PDE10A: variants seen among roughly 807,000 people sequenced by gnomAD.
PDE10A encodes cAMP and cAMP-inhibited cGMP 3',5'-cyclic phosphodiesterase 10A.
PDE10A carries 39 observed loss-of-function variants against 97.7 expected under a neutral mutation model. The observed-to-expected ratio is 0.40, with a 90% CI of 0.31 to 0.52. The LOEUF is 0.52. Among genes scored for constraint, PDE10A ranks in the 20% least tolerant of loss-of-function variants. PDE10A has a pLI of 0.56. For synonymous variants in PDE10A, 371 were observed against 376.8 expected (o/e 0.98, Z 0.18); for missense variants, 731 against 1,047.8 (o/e 0.70, Z 4.17).
intron 3 of PDE10A, among the ~76,000 whole-genome samples, chr6:165,480,436 A>T (rs1373245322): frequency 6.6e-6 from 1 of 152,070 alleles, no homozygotes; most frequent in Non-Finnish European, 1.5e-5. Context: ...TAAAAAAAAA[A>T]TTAGCTGGGC....
At chr6:165,946,974 T>C (rs1343068792) in intron 1 of PDE10A, 5 of 152,200 alleles carry the variant, frequency 3.3e-5, no homozygotes, top group Admixed American at 2.6e-4. Flanking sequence ...ATATAATATC[T>C]AGTCCACGTT....
chr6:165,446,807 C>T (rs1289203618), intron 5 of PDE10A, among the ~76,000 whole-genome samples: 1 of 152,042 alleles, frequency 6.6e-6, no homozygotes, highest in Non-Finnish European at 1.5e-5. Context: ...CAGACTCAGT[C>T]CCTGAGATGC....
intron 1 of PDE10A, among the ~76,000 whole-genome samples, chr6:165,778,517 C>T (rs1335098899): frequency 2.0e-5 from 3 of 152,160 alleles, no homozygotes; most frequent in Admixed American, 1.3e-4. Flanking sequence ...TGGACTTCCC[C>T]GAGCACAGTT....
chr6:165,678,201 ATGTGTGTCTGTG>A (rs1790870096), intron 1 of PDE10A, among the ~76,000 whole-genome samples: 1 of 115,544 alleles, frequency 8.7e-6, no homozygotes, highest in Non-Finnish European at 1.8e-5. Context: ...GTGTATGTAT[ATGTGTGTCTGTG>A]TGTGTATATG....
intron 1 of PDE10A, among the ~76,000 whole-genome samples, chr6:165,713,602 C>T (rs1378570447): frequency 2.6e-5 from 4 of 152,086 alleles, no homozygotes; most frequent in East Asian, 1.9e-4. Context: ...TAAGGTTTGA[C>T]GACAAAGAAG....
rs563800645 is a variant in PDE10A at position 165,363,844 on chromosome 6, A to G, written c.2783+15350T>C. ...AGAAGTACAAAATATGGACTTGAAAACTAGAAAACATGGTTGAAAAATATT... is the reference window on the plus strand; with the variant it reads ...AGAAGTACAAAATATGGACTTGAAAGCTAGAAAACATGGTTGAAAAATATT... On this transcript the variant is annotated intron_variant, in intron 18 of 21. Transcript: ENST00000539869. 1.1e-3 allele frequency among the ~76,000 whole-genome samples: 164 copies of G among 152,326 alleles called. 1 individual carries two copies. Among genetic ancestry groups the G allele is most frequent in the Non-Finnish European group, 1.8e-3 (125 of 68,024 alleles).
chr6:165,400,486 TA>T (rs1786564659), intron 13 of PDE10A, among the ~76,000 whole-genome samples: 1 of 152,062 alleles, frequency 6.6e-6, no homozygotes, highest in African/African-American at 2.4e-5. Context: ...AAAGAGCTAC[TA>T]AAAATCAATA....
At chr6:165,956,820 G>A (rs565363437) in intron 1 of PDE10A, among the ~76,000 whole-genome samples, 3 of 152,322 alleles carry the variant, frequency 2.0e-5, no homozygotes, top group Admixed American at 2.0e-4. Flanking sequence ...GGGCAAGTGG[G>A]ATCTTAAGAC....
chr6:165,382,145 T>C (rs1430190393), intron 17 of PDE10A, among the ~76,000 whole-genome samples: 1 of 152,156 alleles, frequency 6.6e-6, no homozygotes, highest in Non-Finnish European at 1.5e-5. Flanking sequence ...AGGCTCTGGT[T>C]GTATGTAAAT....
chr6:165,938,695 AAGAAGTCCTGTAGTGTTC>A (rs1366585722), intron 1 of PDE10A, among the ~76,000 whole-genome samples: 2 of 152,060 alleles, frequency 1.3e-5, no homozygotes, highest in Admixed American at 6.6e-5. Flanking sequence ...AATAGATTTA[AAGAAGTCCTGTAGTGTTC>A]AGAGTCCAGT....
intron 1 of PDE10A, among the ~76,000 whole-genome samples, chr6:165,556,827 G>C (rs779448857): frequency 1.1e-4 from 17 of 151,810 alleles, no homozygotes; most frequent in Non-Finnish European, 2.1e-4. Flanking sequence ...GTAAAGCCTT[G>C]ATAAATCTTA....
At chr6:165,656,739 G>A (rs1008130767) in intron 1 of PDE10A, among the ~76,000 whole-genome samples, 1 of 152,170 alleles carries the variant, frequency 6.6e-6, no homozygotes, top group African/African-American at 2.4e-5. Flanking sequence ...GCAAAGCGAA[G>A]GCACTGCCTC....
upstream of PDE10A, among the ~76,000 whole-genome samples, chr6:165,663,718 T>C (rs148880779): frequency 9.0e-3 from 1,378 of 152,334 alleles, 24 homozygotes; most frequent in African/African-American, 0.031. Context: ...GAACTTCGTG[T>C]GCACAAGCCC....
intron 2 of PDE10A, among the ~76,000 whole-genome samples, chr6:165,521,685 G>A (rs1782136926): frequency 6.6e-6 from 1 of 152,168 alleles, no homozygotes; most frequent in Non-Finnish European, 1.5e-5. Flanking sequence ...TATGAAGGCT[G>A]AGAGAGGTCA....
intron 1 of PDE10A, among the ~76,000 whole-genome samples, chr6:165,858,340 A>G (rs1780807754): frequency 6.6e-6 from 1 of 152,142 alleles, no homozygotes; most frequent in Admixed American, 6.5e-5. Context: ...CCCGACTAAG[A>G]AGCCCCTCAG....
intron 1 of PDE10A, among the ~76,000 whole-genome samples, chr6:165,580,561 A>G (rs898734929): frequency 6.6e-6 from 1 of 152,258 alleles, no homozygotes; most frequent in East Asian, 1.9e-4. Context: ...AGTAATGTGC[A>G]TATATAAGGT....
At chr6:165,586,849 T>G (rs1232616227) in intron 1 of PDE10A, among the ~76,000 whole-genome samples, 2 of 152,140 alleles carry the variant, frequency 1.3e-5, no homozygotes, top group African/African-American at 4.8e-5. Context: ...ACAGCAGTCT[T>G]TCTTATATAA....
At chr6:165,833,998 C>T (rs1283427865) in intron 1 of PDE10A, among the ~76,000 whole-genome samples, 1 of 152,208 alleles carries the variant, frequency 6.6e-6, no homozygotes, top group African/African-American at 2.4e-5. Flanking sequence ...CCCAGCAGCA[C>T]ATACTAGAGA....
At position 165,762,947 on chromosome 6, in the gene PDE10A, C is replaced by A. The variant is rs530569490; in HGVS notation, c.-614-219379G>T. Among the ~76,000 whole-genome samples, 119 of 152,092 alleles carry A rather than the reference C, an allele frequency of 7.8e-4. 2 individuals are homozygous for A. The highest frequency in any genetic ancestry group is 3.4e-3 in the Middle Eastern group (1 of 292). ...GGAAGAAAAAAAAGAAAAAAAAAGA[C>A]AAAAACCCTCTTACTTAACAACTTT... On this transcript the variant is annotated intron_variant, in intron 1 of 19. Coordinates refer to the PDE10A transcript ENST00000366882.
Sources: gnomAD v4.1 joint callset for allele counts (sites outside exome capture counted in the v4.1 genomes callset) on GRCh38, gnomAD v4.1.1 for gene constraint, MANE v1.5 for transcripts, NCBI Gene and HGNC (gene_info 2026-07-23, HGNC 2026-07-21) for gene names.